Variants in MRPL28 observed in about 807,000 individuals in gnomAD.
MRPL28 encodes mitochondrial ribosomal protein L28, also known as large ribosomal subunit protein bL28m.
A neutral mutation model predicts 26.2 loss-of-function variants in MRPL28; 25 were observed. The ratio of observed to expected loss-of-function variants is 0.95; its 90% confidence interval spans 0.69 to 1.33. The LOEUF (loss-of-function observed/expected upper bound fraction) is 1.33. MRPL28 is among the 40% of genes most tolerant of loss of function. MRPL28 has a pLI of 0.00. For missense variants in MRPL28, 432 were observed against 327.2 expected (o/e 1.32, Z -2.47); for synonymous variants, 227 against 140.1 (o/e 1.62, Z -4.38).
In MRPL28 at chr16:370,270, C is replaced by T. The variant is rs780607670; in HGVS notation, c.-7-45G>A. 1.8e-5 allele frequency: 27 copies of T among 1,478,808 alleles called. 1 individual carries two copies. In the African/African-American group the frequency reaches 3.6e-4, roughly 20 times the overall value. 91.6% of individuals were successfully genotyped at this position (1,478,808 alleles called of 1,614,324 possible). A position where few individuals can be genotyped will look rare whatever the true frequency, so the allele number is the denominator to read the frequency against. On this transcript the variant is annotated intron_variant, in intron 1 of 5. Transcript: ENST00000199706. ...CGCAGTCAGTCGCAGCCTGGCCAGGCCCCCGGCACTCACCCCCTACCCCGG... is the reference window on the plus strand; with the variant it reads ...CGCAGTCAGTCGCAGCCTGGCCAGGTCCCCGGCACTCACCCCCTACCCCGG...
rs897872919 is a variant in MRPL28 at position 368,397 on chromosome 16, C to T, written c.594G>A (p.Glu198=). The T allele has an allele frequency of 6.8e-6, 11 of 1,613,758 alleles. No individual in the cohort carries two copies. The Admixed American group carries it at 1.2e-4, about 17-fold the overall frequency. The change falls in exon 5 of 6, where the codon GAG becomes GAA. Residue 198 remains glutamate (E), a synonymous_variant. Coordinates refer to ENST00000199706, the MANE Select transcript of MRPL28 (RefSeq NM_006428.5). ...TGAGGCCCACCCACTCTGCCTCCTCCTCTGGGATGGCAAATTCCTAGGCAG... is the reference window on the plus strand; with the variant it reads ...TGAGGCCCACCCACTCTGCCTCCTCTTCTGGGATGGCAAATTCCTAGGCAG... ...YDKYKEFAIP[E]EEAEWVGLTL...
Position 368,611 on chromosome 16 carries a change from T to C in MRPL28, c.466A>G (p.Lys156Glu). The C allele has an allele frequency of 3.8e-6, 6 of 1,579,354 alleles. No homozygotes were observed. The highest frequency in any genetic ancestry group is 5.2e-6 in the Non-Finnish European group (6 of 1,159,338). The change falls in exon 4 of 6, where the codon AAG becomes GAG. Residue 156 changes from lysine (K) to glutamate (E), a missense_variant. By Grantham distance (56) the Lys-to-Glu change is moderately conservative. Coordinates refer to ENST00000199706, the MANE Select transcript of MRPL28 (RefSeq NM_006428.5). ...LKTPKEDLCS[K>E]FGMDLKRGML... ...CCTCGCTTCAGGTCCATCCCAAACTTGGAGCACAGGTCCTCCTTCGGGGTC... is the reference window on the plus strand; with the variant it reads ...CCTCGCTTCAGGTCCATCCCAAACTCGGAGCACAGGTCCTCCTTCGGGGTC...
At chr16:368,084 C>G (rs532641357) in intron 5 of MRPL28, among the ~76,000 whole-genome samples, 3 of 152,168 alleles carry the variant, frequency 2.0e-5, no homozygotes, top group African/African-American at 4.8e-5. Flanking sequence ...TGCTGGTGGC[C>G]GAGCAAACCC....
rs146022783 is a variant in MRPL28 at position 367,035 on chromosome 16, C to T, written c.*640G>A. On this transcript the variant is annotated 3_prime_UTR_variant, in exon 6 of 6. Transcript: ENST00000199706. Reference sequence around the variant, plus strand: ...CCAGCCTGGCCAACATGGTGAAACCCCTTCTCTACTAAAATACAATTAGCC... The same window carrying T: ...CCAGCCTGGCCAACATGGTGAAACCTCTTCTCTACTAAAATACAATTAGCC... Among the ~76,000 whole-genome samples the T allele has an allele frequency of 1.2e-3, 188 of 152,196 alleles. 3 individuals are homozygous for T. In the East Asian group the frequency reaches 0.032, roughly 26 times the overall value.
chr16:369,345 G>A, intron 2 of MRPL28, 125 bp from the exon 3 acceptor site: 2 of 1,276,188 alleles, frequency 1.6e-6, no homozygotes, highest in East Asian at 2.4e-5. Context: ...TCAGACTGGG[G>A]ACCTAGAGCT....
intron 3 of MRPL28, 115 bp from the exon 4 acceptor site, chr16:368,750 G>C: frequency 6.8e-7 from 1 of 1,463,660 alleles, no homozygotes; most frequent in Non-Finnish European, 9.1e-7. Flanking sequence ...GACAGAGAAG[G>C]CCCGGGTGGG....
intron 2 of MRPL28, 104 bp from the exon 3 acceptor site, chr16:369,324 A>G: frequency 7.0e-7 from 1 of 1,421,846 alleles, no homozygotes; most frequent in South Asian, 1.3e-5. Context: ...TCCATCACAG[A>G]ACCACTGCTG....
intron 2 of MRPL28, 109 bp from the exon 3 acceptor site, chr16:369,329 CTG>C: frequency 7.2e-7 from 1 of 1,394,236 alleles, no homozygotes; most frequent in South Asian, 1.3e-5. Flanking sequence ...CACAGAACCA[CTG>C]CTGTCAGACT....
rs1442515330 is a variant in MRPL28 at position 367,408 on chromosome 16, C to A, written c.*267G>T. ...ATACACACACACAGCCTGGCCCAGACTTTACTCGCTCCCGGCCCCACGGGC... is the reference window on the plus strand; with the variant it reads ...ATACACACACACAGCCTGGCCCAGAATTTACTCGCTCCCGGCCCCACGGGC... On this transcript the variant is annotated 3_prime_UTR_variant, in exon 6 of 6. Transcript: ENST00000199706. The A allele has an allele frequency of 1.4e-6, 1 of 709,272 alleles. No homozygotes were observed. The highest frequency in any genetic ancestry group is 2.6e-6 in the Non-Finnish European group (1 of 379,252). The allele number at this position is 709,272 out of a possible 1,614,324, so 43.9% of individuals were successfully genotyped here.
intron 5 of MRPL28, 109 bp from the exon 6 acceptor site, chr16:367,891 C>G: frequency 1.1e-6 from 1 of 886,264 alleles, no homozygotes; most frequent in East Asian, 2.6e-5. Flanking sequence ...GCATGAGAGG[C>G]CCTGGAGGGC....
chr16:368,512 C>G lies in MRPL28; in HGVS notation c.565G>C (p.Asp189His). Residue 189 changes from aspartate to histidine, a missense_variant, in exon 4 of 6, where the codon GAC becomes CAC. By Grantham distance (81) the Asp-to-His change is moderately conservative (BLOSUM62 -1). Transcript: ENST00000199706. The stretch of plus-strand genomic sequence containing the variant: ...ACGGAAACCCTCACCTTGTACTTGT[C>G]GTAGATGGCTGCCCGCCGCTCGGGG... ...EDPERRAAIY[D>H]KYKEFAIPEE... 1 of 1,597,794 alleles carries G rather than the reference C, an allele frequency of 6.3e-7. No individual in the cohort carries two copies.
chr16:367,876 C>G (rs76193559), intron 5 of MRPL28, 94 bp from the exon 6 acceptor site: 3 of 1,094,298 alleles, frequency 2.7e-6, no homozygotes, highest in South Asian at 1.4e-5. Flanking sequence ...CCCAGAGGAA[C>G]CGGGGCATGA....
intron 3 of MRPL28, 187 bp downstream of exon 3, chr16:368,881 G>C: frequency 1.0e-6 from 1 of 996,830 alleles, no homozygotes; most frequent in Non-Finnish European, 1.4e-6. Context: ...CAGAGCGACA[G>C]CCTCTCCTGA....
rs2054306256 is a variant in MRPL28 at position 370,020 on chromosome 16, TG to T, written c.198del (p.Ile67PhefsTer35). Reference sequence around the variant, plus strand: ...GATTCGGGGGGAAAGTAGATGGGAATGGGCACGTCCTCCACACGCTCCCGCT... The same window carrying T: ...GATTCGGGGGGAAAGTAGATGGGAATGGCACGTCCTCCACACGCTCCCGCT... ...NGQRERVEDV[P>X]IPIYFPPESQ... On this transcript the variant is annotated frameshift_variant, in exon 2 of 6. Coordinates refer to ENST00000199706, the MANE Select transcript of MRPL28 (RefSeq NM_006428.5). LOFTEE classifies it high-confidence loss of function. The T allele has an allele frequency of 1.2e-6, 2 of 1,613,186 alleles. No homozygotes were observed. The highest frequency in any genetic ancestry group is 2.7e-5 in the African/African-American group (2 of 74,880).
chr16:370,215 G>A lies in MRPL28; in HGVS notation c.4C>T (p.Pro2Ser), dbSNP rs770314662. ...AGCCACACGGGATACTTGTGTAGAG[G>A]CATCGCGAGCCTGGCGGGAGGTGGG... is the stretch of plus-strand genomic sequence containing the variant. M[P>S]LHKYPVWLWK... Residue 2 changes from proline to serine, a missense_variant, in exon 2 of 6, where the codon CCT becomes TCT. Coordinates refer to ENST00000199706, the MANE Select transcript of MRPL28 (RefSeq NM_006428.5). The A allele has an allele frequency of 2.5e-6, 4 of 1,576,936 alleles. No homozygotes were observed. The highest frequency in any genetic ancestry group is 2.7e-5 in the African/African-American group (2 of 74,152).
rs2054269844 is a variant in MRPL28, at chr16:367,494, G to C, written c.*181C>G. ...TGAGAGGAGCCTCTGGGCGGCCCAG[G>C]CCTCCTGGGGATCCCTGCCAAGCTG... On this transcript the variant is annotated 3_prime_UTR_variant, in exon 6 of 6. Transcript: ENST00000199706. 1 of 723,386 alleles carries C rather than the reference G, an allele frequency of 1.4e-6. No individual in the cohort carries two copies. 44.8% of individuals were successfully genotyped at this position (723,386 alleles called of 1,614,324 possible). A position where few individuals can be genotyped will look rare whatever the true frequency, so the allele number is the denominator to read the frequency against.
rs1597149081 is a variant in MRPL28 at position 367,719 on chromosome 16, G to C, written c.727C>G (p.Leu243Val). The stretch of plus-strand genomic sequence containing the variant: ...TTCTGCACCACCGCCGGCTCTGACA[G>C]TGCCTGCTGCTGCAGCTGCTGGATC... The part of the protein sequence containing the change: ...ELIQQLQQQA[L>V]SEPAVVQKRA... Residue 243 changes from leucine to valine, a missense_variant, in exon 6 of 6, where the codon CTG becomes GTG. Coordinates refer to ENST00000199706, the MANE Select transcript of MRPL28 (RefSeq NM_006428.5). The C allele has an allele frequency of 6.2e-7, 1 of 1,613,890 alleles. No individual in the cohort carries two copies. Among genetic ancestry groups the C allele is most frequent in the Non-Finnish European group, 8.5e-7 (1 of 1,180,024 alleles).
intron 3 of MRPL28, 89 bp downstream of exon 3, chr16:368,979 G>A (rs1165811504): frequency 6.2e-6 from 9 of 1,462,340 alleles, no homozygotes; most frequent in Admixed American, 1.9e-5. Context: ...ATGTCAGCGT[G>A]CCCCGGTGTG....
intron 5 of MRPL28, 119 bp downstream of exon 5, chr16:368,209 T>C (rs886760961): frequency 3.3e-6 from 4 of 1,223,414 alleles, no homozygotes; most frequent in Non-Finnish European, 4.7e-6. Flanking sequence ...GCAGCAGCTC[T>C]TCCCCAAGCC....
Sources: gnomAD v4.1 joint callset for allele counts (sites outside exome capture counted in the v4.1 genomes callset) on GRCh38, gnomAD v4.1.1 for gene constraint, MANE v1.5 for transcripts, NCBI Gene and HGNC (gene_info 2026-07-23, HGNC 2026-07-21) for gene names.